PDE4D: variants seen among roughly 807,000 people sequenced by gnomAD.
PDE4D encodes phosphodiesterase 4D, also known as 3',5'-cyclic-AMP phosphodiesterase 4D.
A neutral mutation model predicts 87.4 loss-of-function variants in PDE4D; 24 were observed. The ratio of observed to expected loss-of-function variants is 0.27; its 90% CI spans 0.20 to 0.39. PDE4D has a LOEUF of 0.39. Ranked by LOEUF, PDE4D falls within the 10% of genes least tolerant of loss-of-function variation. The pLI, the probability that PDE4D is intolerant of heterozygous loss-of-function variation, is 1.00. For missense variants in PDE4D, 714 were observed against 1,041.0 expected, an observed-to-expected ratio of 0.69 and a Z score of 4.32; for synonymous variants, 384 against 383.2, an observed-to-expected ratio of 1.00 and a Z score of -0.02.
chr5:59,092,035 A>G (rs1768847552), intron 5 of PDE4D, among the ~76,000 whole-genome samples: 1 of 152,296 alleles, frequency 6.6e-6, no homozygotes, highest in East Asian at 1.9e-4. Context: ...ACTGCCAAAC[A>G]AGTCTGGTTT....
Position 60,433,298 on chromosome 5 carries a change from C to T in PDE4D, c.-90+54644G>A, listed in dbSNP as rs896640599. Among the ~76,000 whole-genome samples, 23 of 152,200 alleles carry T rather than the reference C, an allele frequency of 1.5e-4. No homozygotes were observed. In the Middle Eastern group the frequency reaches 0.01, roughly 68 times the overall value. On this transcript the variant is annotated intron_variant, in intron 1 of 16. Transcript: ENST00000502484. ...CACTTTTCAAAATAAGACATTTACA[C>T]GGCCAACAAGCATATGAAAAAATAC... is the stretch of plus-strand genomic sequence containing the variant.
intron 1 of PDE4D, among the ~76,000 whole-genome samples, chr5:59,550,410 G>A (rs534253663): frequency 2.6e-5 from 4 of 151,896 alleles, no homozygotes; most frequent in Non-Finnish European, 4.4e-5. Context: ...AAAATTGTTG[G>A]TTCATAGTGT....
intron 2 of PDE4D, among the ~76,000 whole-genome samples, chr5:60,049,859 G>T (rs1233495861): frequency 1.3e-5 from 2 of 152,196 alleles, no homozygotes; most frequent in Admixed American, 1.3e-4. Context: ...GCCTACAGAG[G>T]CAGGCAGGCC....
chr5:59,861,178 T>C (rs1221127187), intron 1 of PDE4D, among the ~76,000 whole-genome samples: 2 of 152,124 alleles, frequency 1.3e-5, no homozygotes, highest in Non-Finnish European at 2.9e-5. Context: ...GCCCAAACTT[T>C]TGAATACAGA....
Position 58,999,409 on chromosome 5 carries a change from AC to A in PDE4D, c.922-5945del, listed in dbSNP as rs1471939443. ...AAAGAATACATAACTGATAGTTTGA[AC>A]AAATTACAGTAGAGTCTAAGCTTTC... On this transcript the variant is annotated intron_variant, in intron 6 of 14. Coordinates refer to ENST00000340635, the MANE Select transcript of PDE4D (RefSeq NM_001104631.2). 1.1e-4 allele frequency: 72 copies of A among 646,050 alleles called. No individual in the cohort carries two copies. The African/African-American group carries it at 1.3e-3, about 12-fold the overall frequency. 40.0% of individuals were successfully genotyped at this position (646,050 alleles called of 1,614,324 possible).
intron 5 of PDE4D, among the ~76,000 whole-genome samples, chr5:59,156,331 ATG>A (rs60467130): frequency 0.011 from 1,374 of 122,318 alleles, 13 homozygotes; most frequent in African/African-American, 0.019. Context: ...ATATATATAT[ATG>A]TGTGTGTGTG....
chr5:60,190,769 T>C (rs939052519), intron 1 of PDE4D, among the ~76,000 whole-genome samples: 1 of 152,168 alleles, frequency 6.6e-6, no homozygotes, highest in African/African-American at 2.4e-5. Flanking sequence ...CCCAGCACAG[T>C]TTAACATCTT....
At chr5:59,343,495 C>G (rs1201125101) in intron 1 of PDE4D, among the ~76,000 whole-genome samples, 1 of 152,066 alleles carries the variant, frequency 6.6e-6, no homozygotes, top group East Asian at 1.9e-4. Flanking sequence ...GAAAGCTGAC[C>G]AACCCCTGGT....
At chr5:59,978,197 G>A (rs1761534092) in intron 3 of PDE4D, among the ~76,000 whole-genome samples, 3 of 152,072 alleles carry the variant, frequency 2.0e-5, no homozygotes, top group Admixed American at 6.6e-5. Context: ...CATTTCATAG[G>A]GCTATCGCTA....
chr5:59,421,858 G>A (rs551214124), intron 1 of PDE4D, among the ~76,000 whole-genome samples: 1 of 152,008 alleles, frequency 6.6e-6, no homozygotes, highest in African/African-American at 2.4e-5. Context: ...TGTACTCTCA[G>A]TTGAAAAAAA....
chr5:59,320,817 C>T (rs1350845570), intron 1 of PDE4D, among the ~76,000 whole-genome samples: 1 of 152,048 alleles, frequency 6.6e-6, no homozygotes, highest in South Asian at 2.1e-4. Flanking sequence ...TCCTTCTTTT[C>T]TTTTCTTCCT....
At chr5:59,157,402 A>AT (rs1561588193) in intron 5 of PDE4D, 3 of 701,720 alleles carry the variant, frequency 4.3e-6, no homozygotes, top group Admixed American at 2.0e-5. Context: ...ATCCGAAGAC[A>AT]TTTTTCTAAA....
rs529628671 is a variant in PDE4D at position 59,371,241 on chromosome 5, C to T, written c.456-155273G>A. On this transcript the variant is annotated intron_variant, in intron 1 of 14. Transcript: ENST00000340635. Reference sequence around the variant, plus strand: ...GGACTGTGAAGGAACTTGAATGATACGTTAGGAGTGGGACCTTTGTTCCAT... The same window carrying T: ...GGACTGTGAAGGAACTTGAATGATATGTTAGGAGTGGGACCTTTGTTCCAT... 7.9e-5 allele frequency among the ~76,000 whole-genome samples: 12 copies of T among 152,188 alleles called. No individual in the cohort carries two copies. The East Asian group carries it at 1.5e-3, about 20-fold the overall frequency.
At chr5:60,071,199 C>T (rs897779469) in intron 2 of PDE4D, among the ~76,000 whole-genome samples, 6 of 151,744 alleles carry the variant, frequency 4.0e-5, no homozygotes, top group Admixed American at 6.6e-5. Flanking sequence ...TATTTCTGCT[C>T]AAATCTTTGT....
At chr5:60,485,966 TTAA>T (rs1171961710) in intron 1 of PDE4D, among the ~76,000 whole-genome samples, 28 of 152,358 alleles carry the variant, frequency 1.8e-4, no homozygotes, top group Middle Eastern at 3.4e-3. Flanking sequence ...AGGCAGCTGA[TTAA>T]TGTTTGATAA....
intron 1 of PDE4D, among the ~76,000 whole-genome samples, chr5:59,664,569 T>C (rs1054529923): frequency 1.3e-5 from 2 of 152,212 alleles, no homozygotes; most frequent in Non-Finnish European, 2.9e-5. Context: ...CCCAGACTCA[T>C]TCCTGCCATA....
At chr5:60,040,150 T>C (rs1768299116) in intron 2 of PDE4D, among the ~76,000 whole-genome samples, 1 of 152,234 alleles carries the variant, frequency 6.6e-6, no homozygotes, top group Admixed American at 6.5e-5. Context: ...TCAGCCACAA[T>C]TTTTGTATTT....
At chr5:59,012,642 G>C (rs1753064625) in intron 6 of PDE4D, among the ~76,000 whole-genome samples, 1 of 152,178 alleles carries the variant, frequency 6.6e-6, no homozygotes, top group Non-Finnish European at 1.5e-5. Flanking sequence ...GGAGCACCCA[G>C]ATTCATAAAG....
intron 1 of PDE4D, among the ~76,000 whole-genome samples, chr5:60,321,789 A>C (rs141887982): frequency 1.3e-3 from 202 of 152,338 alleles, no homozygotes; most frequent in African/African-American, 4.8e-3. Flanking sequence ...AATATGTAAA[A>C]ATGTTCAACA....
Sources: gnomAD v4.1 joint callset for allele counts (sites outside exome capture counted in the v4.1 genomes callset) on GRCh38, gnomAD v4.1.1 for gene constraint, MANE v1.5 for transcripts, NCBI Gene and HGNC (gene_info 2026-07-23, HGNC 2026-07-21) for gene names.